DRC1: variants seen among roughly 807,000 people sequenced by gnomAD.
The protein encoded by DRC1 is dynein regulatory complex protein 1.
DRC1 carries 74 observed loss-of-function variants against 98.7 expected under a neutral mutation model. The observed-to-expected ratio is 0.75, with a 90% CI of 0.62 to 0.91. The LOEUF (loss-of-function observed/expected upper bound fraction) is 0.91. DRC1 is among the 40% of genes least tolerant of loss of function. DRC1 has a pLI of 0.00. For missense variants in DRC1, 875 were observed against 886.0 expected, an observed-to-expected ratio of 0.99 and a Z score of 0.16; for synonymous variants, 336 against 334.1, an observed-to-expected ratio of 1.01 and a Z score of -0.06.
intron 3 of DRC1, among the ~76,000 whole-genome samples, chr2:26,422,921 T>TAAAAA (rs748957985): frequency 7.7e-6 from 1 of 129,646 alleles, no homozygotes; most frequent in African/African-American, 2.9e-5. Flanking sequence ...ACCTAGTCTT[T>TAAAAA]AAAAAAAAAA....
intron 8 of DRC1, among the ~76,000 whole-genome samples, chr2:26,441,980 T>C (rs1247534500): frequency 2.6e-5 from 4 of 152,216 alleles, no homozygotes; most frequent in Non-Finnish European, 2.9e-5. Flanking sequence ...TACCTGAGAC[T>C]GGATAATTTA....
chr2:26,408,702 C>T (rs569775685), intron 1 of DRC1, among the ~76,000 whole-genome samples: 3 of 151,996 alleles, frequency 2.0e-5, no homozygotes, highest in Middle Eastern at 3.4e-3. Context: ...ACCTGGGAGG[C>T]GGAGGTTGCA....
At chr2:26,415,345 A>G (rs1678762552) in intron 2 of DRC1, among the ~76,000 whole-genome samples, 1 of 152,220 alleles carries the variant, frequency 6.6e-6, no homozygotes, top group Non-Finnish European at 1.5e-5. Flanking sequence ...TGGCCTGGTC[A>G]GGGAAAGTTC....
At chr2:26,405,815 C>A (rs1350751424) in intron 1 of DRC1, among the ~76,000 whole-genome samples, 2 of 151,926 alleles carry the variant, frequency 1.3e-5, no homozygotes, top group Non-Finnish European at 2.9e-5. Flanking sequence ...CAGCTGCCAC[C>A]ACACCCAGCT....
intron 1 of DRC1, among the ~76,000 whole-genome samples, chr2:26,412,926 G>T (rs1464898786): frequency 6.6e-6 from 1 of 152,104 alleles, no homozygotes; most frequent in Non-Finnish European, 1.5e-5. Context: ...GGGACTACAG[G>T]CGCCCACCAC....
At chr2:26,439,821 A>T (rs1663663675) in intron 7 of DRC1, among the ~76,000 whole-genome samples, 1 of 150,050 alleles carries the variant, frequency 6.7e-6, no homozygotes, top group African/African-American at 2.5e-5. Context: ...CTCATGATAC[A>T]TTTTCTAAAA....
intron 9 of DRC1, 73 bp from the exon 10 acceptor site, chr2:26,444,643 C>T: frequency 7.1e-7 from 1 of 1,399,596 alleles, no homozygotes; most frequent in Admixed American, 1.9e-5. Flanking sequence ...ATATTCCTGC[C>T]CTGCTGCTAT....
At chr2:26,412,724 G>T (rs1678655412) in intron 1 of DRC1, among the ~76,000 whole-genome samples, 1 of 152,050 alleles carries the variant, frequency 6.6e-6, no homozygotes, top group South Asian at 2.1e-4. Flanking sequence ...GCTGTTATTC[G>T]TTTGTCATAT....
In DRC1 at chr2:26,448,506, C is replaced by G. The variant is rs1663916744; in HGVS notation, c.1397-185C>G. On this transcript the variant is annotated intron_variant, in intron 10 of 16. Coordinates refer to ENST00000288710, the MANE Select transcript of DRC1 (RefSeq NM_145038.5). Reference sequence around the variant, plus strand: ...TCCAGGTAGTCTCTGATTCCGACCCCCTAGCCCGCCTTCCCGCCACGTAAT... The same window carrying G: ...TCCAGGTAGTCTCTGATTCCGACCCGCTAGCCCGCCTTCCCGCCACGTAAT... The G allele has an allele frequency of 2.4e-5, 17 of 721,856 alleles. 1 individual carries two copies. Among genetic ancestry groups the G allele is most frequent in the South Asian group, 1.3e-4 (9 of 66,998 alleles). 44.7% of individuals were successfully genotyped at this position (721,856 alleles called of 1,614,324 possible). A position where few individuals can be genotyped will look rare whatever the true frequency, so the allele number is the denominator to read the frequency against.
chr2:26,435,924 T>C (rs115686340), intron 7 of DRC1, among the ~76,000 whole-genome samples: 1 of 152,176 alleles, frequency 6.6e-6, no homozygotes, highest in South Asian at 2.1e-4. Flanking sequence ...AACATATGCA[T>C]GCATGTGTCT....
Position 26,448,780 on chromosome 2 carries a change from C to T in DRC1, c.1486C>T (p.Leu496=), listed in dbSNP as rs1305572882. The T allele has an allele frequency of 1.9e-6, 3 of 1,614,098 alleles. No homozygotes were observed. The highest frequency in any genetic ancestry group is 1.1e-5 in the South Asian group (1 of 91,094). ...TTCTGAAAAAACTACCAAGAGGATC[C>T]TGATGCTCCTGTGTGACGAGTCGGT... ...QISEKTTKRI[L]MLLCDESGFL... Residue 496 remains leucine, a synonymous_variant, in exon 11 of 17, where the codon CTG becomes TTG. Transcript: ENST00000288710.
chr2:26,413,422 G>T (rs891118587), intron 1 of DRC1, among the ~76,000 whole-genome samples: 1 of 152,160 alleles, frequency 6.6e-6, no homozygotes, highest in African/African-American at 2.4e-5. Context: ...AAATCTTGCC[G>T]AATTGCCTTT....
intron 1 of DRC1, among the ~76,000 whole-genome samples, chr2:26,406,192 C>A (rs1287059286): frequency 6.6e-6 from 1 of 152,100 alleles, no homozygotes; most frequent in East Asian, 1.9e-4. Flanking sequence ...TGGATCAGAA[C>A]TTAGATTGAC....
At chr2:26,448,080 C>T (rs1480183258) in intron 10 of DRC1, among the ~76,000 whole-genome samples, 4 of 151,340 alleles carry the variant, frequency 2.6e-5, no homozygotes, top group African/African-American at 9.7e-5. Context: ...CAGAAATTAG[C>T]CAGGTGTCGC....
At chr2:26,424,577 G>A (rs1663236150) in intron 4 of DRC1, 123 bp downstream of exon 4, 1 of 1,001,320 alleles carries the variant, frequency 1.0e-6, no homozygotes, top group Non-Finnish European at 1.4e-6. Flanking sequence ...TTAGAATGCT[G>A]TACAAGTCAT....
At chr2:26,428,527 G>T (rs149756755) in intron 4 of DRC1, among the ~76,000 whole-genome samples, 1 of 152,180 alleles carries the variant, frequency 6.6e-6, no homozygotes, top group Non-Finnish European at 1.5e-5. Flanking sequence ...GGCCGGGCAC[G>T]GTGGCTCACG....
intron 1 of DRC1, among the ~76,000 whole-genome samples, chr2:26,411,055 A>G (rs1678591928): frequency 6.6e-6 from 1 of 152,232 alleles, no homozygotes; most frequent in African/African-American, 2.4e-5. Flanking sequence ...TAGAGTATTC[A>G]AGATGGCAGC....
intron 4 of DRC1, among the ~76,000 whole-genome samples, chr2:26,425,519 C>T (rs1487064989): frequency 6.6e-6 from 1 of 152,146 alleles, no homozygotes; most frequent in African/African-American, 2.4e-5. Context: ...ATAATGATTG[C>T]ACCATTTTAC....
intron 4 of DRC1, among the ~76,000 whole-genome samples, chr2:26,427,213 C>G (rs549967152): frequency 6.6e-5 from 10 of 152,118 alleles, no homozygotes; most frequent in African/African-American, 2.4e-4. Flanking sequence ...ACCTCCTGGG[C>G]TCAAGTGATC....
Sources: gnomAD v4.1 joint callset for allele counts (sites outside exome capture counted in the v4.1 genomes callset) on GRCh38, gnomAD v4.1.1 for gene constraint, MANE v1.5 for transcripts, NCBI Gene and HGNC (gene_info 2026-07-23, HGNC 2026-07-21) for gene names.